The following CHD7 variants were observed in gnomAD, a reference collection of about 807,000 sequenced individuals.
CHD7 encodes ATP-dependent chromatin remodeler CHD7.
In CHD7, 24 loss-of-function variants were observed where a neutral mutation model predicts 307.3. The observed-to-expected ratio is 0.08, with a 90% CI of 0.06 to 0.11. The LOEUF is 0.11. Ranked by LOEUF, CHD7 falls within the 10% of genes least tolerant of loss-of-function variation. The pLI is 1.00. For synonymous variants in CHD7, 1,363 were observed against 1,349.9 expected, an observed-to-expected ratio of 1.01 and a Z score of -0.21; for missense variants, 3,106 against 3,727.1, an observed-to-expected ratio of 0.83 and a Z score of 4.34.
At chr8:60,747,083 T>G (rs969089699) in intron 2 of CHD7, among the ~76,000 whole-genome samples, 2 of 152,222 alleles carry the variant, frequency 1.3e-5, no homozygotes, top group East Asian at 1.9e-4. Flanking sequence ...ATTTATGTCT[T>G]TCTTTATTTT....
intron 2 of CHD7, among the ~76,000 whole-genome samples, chr8:60,777,584 T>C (rs1811011398): frequency 6.6e-6 from 1 of 152,216 alleles, no homozygotes; most frequent in Admixed American, 6.5e-5. Flanking sequence ...TTGCTCTCAC[T>C]TCCCCCATCG....
intron 4 of CHD7, among the ~76,000 whole-genome samples, chr8:60,799,475 A>T (rs1232522358): frequency 6.6e-6 from 1 of 152,246 alleles, no homozygotes; most frequent in Non-Finnish European, 1.5e-5. Context: ...ATTACTGTCC[A>T]TAGTCATTCA....
chr8:60,772,018 C>T (rs1246828855), intron 2 of CHD7, among the ~76,000 whole-genome samples: 2 of 152,198 alleles, frequency 1.3e-5, no homozygotes, highest in Non-Finnish European at 2.9e-5. Flanking sequence ...TTGAGGGTCG[C>T]AGGTCCCTCC....
At chr8:60,722,544 C>G (rs1807961878) in intron 1 of CHD7, among the ~76,000 whole-genome samples, 1 of 152,058 alleles carries the variant, frequency 6.6e-6, no homozygotes, top group Non-Finnish European at 1.5e-5. Context: ...TTGGTTAGAT[C>G]TATGGATAAT....
intron 13 of CHD7, chr8:60,825,070 A>C (rs1208313903): frequency 6.6e-6 from 1 of 152,218 alleles, no homozygotes; most frequent in Non-Finnish European, 1.5e-5. Flanking sequence ...AAAGGGTTTC[A>C]AAGTATTTTT....
Position 60,852,476 on chromosome 8 carries a change from GC to G in CHD7, c.5895-21del, listed in dbSNP as rs1288875634. 5.0e-6 allele frequency: 8 copies of G among 1,594,154 alleles called. No homozygotes were observed. The African/African-American group carries it at 5.4e-5, about 11-fold the overall frequency. ...AGTCTTTTCCTGAAGTATGATGCAA[GC>G]TAATATAATCTTTCTAACAGGTGGA... On this transcript the variant is annotated intron_variant, in intron 29 of 37. Transcript: ENST00000423902.
chr8:60,815,718 A>G (rs539499398), intron 7 of CHD7, among the ~76,000 whole-genome samples: 5 of 152,302 alleles, frequency 3.3e-5, no homozygotes, highest in Non-Finnish European at 5.9e-5. Flanking sequence ...CATTGCAGAA[A>G]TCCTGGAGGA....
intron 13 of CHD7, 115 bp downstream of exon 13, chr8:60,824,131 T>C (rs563681859): frequency 1.9e-5 from 17 of 905,012 alleles, no homozygotes; most frequent in Non-Finnish European, 2.7e-5. Flanking sequence ...TTGTCAAATA[T>C]TGTGATATAT....
intron 2 of CHD7, among the ~76,000 whole-genome samples, chr8:60,764,198 C>G (rs1425676107): frequency 1.3e-5 from 2 of 152,062 alleles, no homozygotes; most frequent in African/African-American, 2.4e-5. Context: ...ACCATGTTAG[C>G]CAGGGTGGTC....
At chr8:60,861,707 C>G (rs1252582160) in intron 35 of CHD7, 1 of 153,642 alleles carries the variant, frequency 6.5e-6, no homozygotes, top group African/African-American at 2.4e-5. Context: ...TTTTTTAAAA[C>G]TTAAATGTAG....
In CHD7 at chr8:60,800,405, A is replaced by G; in HGVS notation, c.2256A>G (p.Arg752=). Reference sequence around the variant, plus strand: ...TGTTTTAGAAGAGACGGTCCAGCAGACAGGTGAAGAGAAAGCGCTACACTG... The same window carrying G: ...TGTTTTAGAAGAGACGGTCCAGCAGGCAGGTGAAGAGAAAGCGCTACACTG... ...DPGVQKRRSS[R]QVKRKRYTED... is the part of the protein sequence containing the mutation. The change falls in exon 5 of 38, where the codon AGA becomes AGG. Residue 752 remains arginine (R), a synonymous_variant. Transcript: ENST00000423902. 1 of 1,613,642 alleles carries G rather than the reference A, an allele frequency of 6.2e-7. No homozygotes were observed. The highest frequency in any genetic ancestry group is 1.1e-5 in the South Asian group (1 of 91,034).
In CHD7 at chr8:60,800,497, C is replaced by T. The variant is rs762857682; in HGVS notation, c.2348C>T (p.Pro783Leu). 4 of 1,613,588 alleles carry T rather than the reference C, an allele frequency of 2.5e-6. No individual in the cohort carries two copies. The South Asian group carries it at 4.4e-5, about 18-fold the overall frequency. Reference sequence around the variant, plus strand: ...GCAGATGCTGCTGGGAGGGATTCCCCCTCCAACACCTCCCAGTCAGAACAG... The same window carrying T: ...GCAGATGCTGCTGGGAGGGATTCCCTCTCCAACACCTCCCAGTCAGAACAG... ...DDADAAGRDS[P>L]SNTSQSEQQE... Residue 783 changes from proline (P) to leucine (L), a missense_variant, in exon 5 of 38, where the codon CCC (proline) becomes CTC (leucine). This residue lies in a region of CHD7 where 998 missense variants were observed against 1,004.5 expected (regional missense o/e 0.99). Transcript: ENST00000423902.
In CHD7 at chr8:60,746,271, T is replaced by C. The variant is rs935011223; in HGVS notation, c.1665+3174T>C. 7.2e-5 allele frequency among the ~76,000 whole-genome samples: 11 copies of C among 152,354 alleles called. No homozygotes were observed. In the South Asian group the frequency reaches 1.0e-3, roughly 14 times the overall value. ...ATTTTTAAGGATAGGTTAAATATTA[T>C]GTAATACAGCCTTAGTTATGAAATA... is the stretch of plus-strand genomic sequence containing the variant. On this transcript the variant is annotated intron_variant, in intron 2 of 37. Transcript: ENST00000423902.
intron 7 of CHD7, among the ~76,000 whole-genome samples, chr8:60,813,623 A>G (rs957117488): frequency 2.0e-5 from 3 of 152,070 alleles, no homozygotes; most frequent in Admixed American, 6.5e-5. Context: ...AAGTTTGTCA[A>G]ATGTTTTTGC....
intron 7 of CHD7, among the ~76,000 whole-genome samples, chr8:60,815,459 G>C (rs1282816983): frequency 2.0e-5 from 3 of 152,182 alleles, no homozygotes. Flanking sequence ...TTGAGGGGCA[G>C]GGAGAGGGTG....
chr8:60,790,735 T>C (rs187708541), intron 3 of CHD7, among the ~76,000 whole-genome samples: 36 of 152,180 alleles, frequency 2.4e-4, no homozygotes, highest in Non-Finnish European at 2.6e-4. Flanking sequence ...CTTCTCTGCT[T>C]GAGCTTACAT....
chr8:60,712,723 C>A (rs1222623448), intron 1 of CHD7, among the ~76,000 whole-genome samples: 1 of 152,058 alleles, frequency 6.6e-6, no homozygotes, highest in African/African-American at 2.4e-5. Flanking sequence ...TCGAGACCAG[C>A]CTGGCCAACA....
At chr8:60,800,333 C>T in intron 4 of CHD7, 55 bp from the exon 5 acceptor site, 13 of 1,580,722 alleles carry the variant, frequency 8.2e-6, no homozygotes, top group Non-Finnish European at 1.1e-5. Context: ...CGCTCGGCCA[C>T]ATTTTTCTTT....
chr8:60,741,248 C>T lies in CHD7; in HGVS notation c.-174-11C>T. 1 of 582,750 alleles carries T rather than the reference C, an allele frequency of 1.7e-6. No individual in the cohort carries two copies. The highest frequency in any genetic ancestry group is 3.0e-6 in the Non-Finnish European group (1 of 328,400). 36.1% of individuals were successfully genotyped at this position (582,750 alleles called of 1,614,324 possible). On this transcript the variant is annotated splice_polypyrimidine_tract_variant and intron_variant, in intron 1 of 37. Coordinates refer to ENST00000423902, the MANE Select transcript of CHD7 (RefSeq NM_017780.4). ...CTTCCTTCTTCTCCCCCACCCCAAA[C>T]TCCCTTCCAGGACCTATATCCAGAC...
Sources: allele counts gnomAD v4.1 joint callset (sites outside exome capture counted in the v4.1 genomes callset), GRCh38; gene constraint gnomAD v4.1.1; regional missense constraint gnomAD v4.1.1; transcripts MANE v1.5; gene names NCBI Gene and HGNC (gene_info 2026-07-23, HGNC 2026-07-21).